The following RBM27 variants were observed in gnomAD, a reference collection of about 807,000 sequenced individuals.
RBM27 encodes RNA binding motif protein 27, also known as RNA-binding protein 27.
RBM27 carries 22 observed loss-of-function variants against 135.3 expected under a neutral mutation model. That is an observed-to-expected ratio of 0.16 (90% CI 0.12 to 0.23). The LOEUF is 0.23. Ranked by LOEUF, RBM27 falls within the 10% of genes least tolerant of loss-of-function variation. The probability of loss-of-function intolerance (pLI) is 1.00; values close to 1 mark genes in which losing one functional copy is unlikely to be tolerated. For missense variants in RBM27, 1,009 were observed against 1,281.0 expected (o/e 0.79, Z 3.24); for synonymous variants, 481 against 442.4 (o/e 1.09, Z -1.10).
intron 10 of RBM27, among the ~76,000 whole-genome samples, chr5:146,257,959 G>C (rs1758188515): frequency 6.6e-6 from 1 of 152,164 alleles, no homozygotes; most frequent in Non-Finnish European, 1.5e-5. Flanking sequence ...TGGGATTACA[G>C]GCATGCACCA....
At chr5:146,261,368 C>T (rs1468703515) in intron 12 of RBM27, 142 bp from the exon 13 acceptor site, 7 of 719,470 alleles carry the variant, frequency 9.7e-6, no homozygotes, top group Non-Finnish European at 1.2e-5. Context: ...ATCCTAAAAG[C>T]TCTATCTCTA....
At chr5:146,223,339 C>T in intron 2 of RBM27, 64 bp from the exon 3 acceptor site, 1 of 1,469,870 alleles carries the variant, frequency 6.8e-7, no homozygotes, top group African/African-American at 1.4e-5. Flanking sequence ...GCTTTGCTGA[C>T]AATGTGTTGT....
intron 14 of RBM27, among the ~76,000 whole-genome samples, chr5:146,263,949 A>C (rs1171599750): frequency 2.0e-5 from 3 of 151,890 alleles, no homozygotes; most frequent in Admixed American, 2.0e-4. Context: ...TACTAAAAAT[A>C]CAAAAAAATT....
chr5:146,277,823 G>A (rs565240922), intron 19 of RBM27, among the ~76,000 whole-genome samples: 36 of 151,552 alleles, frequency 2.4e-4, no homozygotes, highest in African/African-American at 7.5e-4. Flanking sequence ...ATGAGCCACC[G>A]CGCCTGGCCA....
chr5:146,274,897 A>G (rs1034174646), intron 19 of RBM27, among the ~76,000 whole-genome samples: 10 of 151,848 alleles, frequency 6.6e-5, no homozygotes, highest in Admixed American at 6.6e-4. Context: ...GTTTTTTGTG[A>G]GGAGATACAG....
At chr5:146,282,801 C>G (rs1380756268) in intron 19 of RBM27, among the ~76,000 whole-genome samples, 2 of 152,136 alleles carry the variant, frequency 1.3e-5, no homozygotes, top group African/African-American at 4.8e-5. Context: ...TAGATTCTTA[C>G]CAGTTTAGAA....
intron 8 of RBM27, 29 bp from the exon 9 acceptor site, chr5:146,251,682 C>T: frequency 6.4e-7 from 1 of 1,565,018 alleles, no homozygotes; most frequent in Non-Finnish European, 8.8e-7. Flanking sequence ...CTCTCATTCC[C>T]AGCTGCCCTC....
In RBM27 at chr5:146,233,633, C is replaced by G. The variant is rs1465850418; in HGVS notation, c.1034C>G (p.Pro345Arg). The change falls in exon 7 of 21, where the codon CCA (proline) becomes CGA (arginine). Residue 345 changes from proline (P) to arginine (R), a missense_variant. By Grantham distance (103) the Pro-to-Arg change is moderately radical (BLOSUM62 -2). Around this residue, in one of 6 missense-constraint regions of RBM27, gnomAD observed 329 missense variants for 368.1 expected, o/e 0.89. Transcript: ENST00000265271. Reference protein sequence around the residue: ...PMPGPGPGPGPGPGPGPGPGP... With the variant: ...PMPGPGPGPGRGPGPGPGPGP... ...CCAGGTCCAGGCCCAGGCCCGGGCCCAGGTCCAGGCCCAGGCCCGGGCCCA... is the reference window on the plus strand; with the variant it reads ...CCAGGTCCAGGCCCAGGCCCGGGCCGAGGTCCAGGCCCAGGCCCGGGCCCA... The G allele has an allele frequency of 1.2e-6, 2 of 1,604,372 alleles. No homozygotes were observed. Among genetic ancestry groups the G allele is most frequent in the Non-Finnish European group, 1.7e-6 (2 of 1,176,576 alleles).
chr5:146,242,282 C>A (rs898513478), intron 8 of RBM27, among the ~76,000 whole-genome samples: 1 of 152,116 alleles, frequency 6.6e-6, no homozygotes, highest in South Asian at 2.1e-4. Flanking sequence ...ATATCCCCCC[C>A]GTTTTGTTGT....
intron 2 of RBM27, among the ~76,000 whole-genome samples, chr5:146,220,294 G>C (rs1359483845): frequency 6.6e-6 from 1 of 151,940 alleles, no homozygotes; most frequent in Non-Finnish European, 1.5e-5. Flanking sequence ...TGGCCAACAC[G>C]GTGAAACCCC....
intron 19 of RBM27, among the ~76,000 whole-genome samples, chr5:146,275,451 T>C (rs1015168824): frequency 4.0e-5 from 6 of 151,870 alleles, no homozygotes; most frequent in African/African-American, 1.5e-4. Context: ...TGTTTTTTAG[T>C]AGAGACGGGT....
At chr5:146,216,111 C>T (rs1236190900) in intron 1 of RBM27, among the ~76,000 whole-genome samples, 1 of 152,130 alleles carries the variant, frequency 6.6e-6, no homozygotes, top group South Asian at 2.1e-4. Flanking sequence ...TGCTGGAGTG[C>T]AGTGGCACAA....
At chr5:146,264,271 C>T (rs1017967989) in intron 14 of RBM27, among the ~76,000 whole-genome samples, 10 of 152,020 alleles carry the variant, frequency 6.6e-5, no homozygotes, top group African/African-American at 2.4e-4. Context: ...GCAACCTCCA[C>T]CTCCTGGGTT....
intron 6 of RBM27, among the ~76,000 whole-genome samples, chr5:146,232,467 T>C (rs2126757990): frequency 6.6e-6 from 1 of 152,358 alleles, no homozygotes; most frequent in Non-Finnish European, 1.5e-5. Flanking sequence ...CTACTCATAC[T>C]TCTGCATAAT....
At chr5:146,243,618 A>G (rs1757501834) in intron 8 of RBM27, among the ~76,000 whole-genome samples, 1 of 152,252 alleles carries the variant, frequency 6.6e-6, no homozygotes, top group African/African-American at 2.4e-5. Context: ...GGTAATTTCA[A>G]AAAGATTAGA....
intron 9 of RBM27, 29 bp from the exon 10 acceptor site, chr5:146,254,914 G>T: frequency 3.3e-6 from 5 of 1,505,756 alleles, no homozygotes; most frequent in Non-Finnish European, 4.5e-6. Flanking sequence ...CTGATTTGTT[G>T]TGTGTTTTGT....
intron 11 of RBM27, among the ~76,000 whole-genome samples, chr5:146,259,697 G>A (rs1016259810): frequency 2.0e-5 from 3 of 151,814 alleles, no homozygotes; most frequent in Non-Finnish European, 4.4e-5. Context: ...AATGTGGCCG[G>A]GCGCGGTGGC....
intron 3 of RBM27, among the ~76,000 whole-genome samples, chr5:146,223,772 T>A (rs1262953479): frequency 1.3e-5 from 2 of 152,204 alleles, no homozygotes; most frequent in African/African-American, 4.8e-5. Context: ...AGAAATCTTA[T>A]CTAGTGACTT....
intron 3 of RBM27, among the ~76,000 whole-genome samples, chr5:146,227,466 C>T (rs1756729168): frequency 1.3e-5 from 2 of 152,144 alleles, no homozygotes; most frequent in African/African-American, 4.8e-5. Flanking sequence ...TTTATGTTGC[C>T]TGAATTTTAT....
Sources: allele counts gnomAD v4.1 joint callset (sites outside exome capture counted in the v4.1 genomes callset), GRCh38; gene constraint gnomAD v4.1.1; regional missense constraint gnomAD v4.1.1; transcripts MANE v1.5; gene names NCBI Gene and HGNC (gene_info 2026-07-23, HGNC 2026-07-21).